ARFIP1: variants seen among roughly 807,000 people sequenced by gnomAD.
The protein encoded by ARFIP1 is arfaptin-1.
A neutral mutation model predicts 42.5 loss-of-function variants in ARFIP1; 24 were observed. The ratio of observed to expected loss-of-function variants is 0.57; its 90% CI spans 0.41 to 0.80. The LOEUF is 0.80. ARFIP1 is among the 30% of genes least tolerant of loss of function. The probability of loss-of-function intolerance (pLI) is 0.00; values close to 1 mark genes in which losing one functional copy is unlikely to be tolerated. For synonymous variants in ARFIP1, 141 were observed against 153.7 expected (o/e 0.92, Z 0.61); for missense variants, 354 against 434.0 (o/e 0.82, Z 1.64).
intron 8 of ARFIP1, among the ~76,000 whole-genome samples, chr4:152,895,852 A>G (rs998582888): frequency 5.3e-5 from 8 of 152,284 alleles, no homozygotes; most frequent in Non-Finnish European, 8.8e-5. Context: ...GTGAGCTGCC[A>G]TGCCAGATCT....
chr4:152,873,399 T>C lies in ARFIP1; in HGVS notation c.411+835T>C, dbSNP rs34059031. On this transcript the variant is annotated intron_variant, in intron 5 of 8. Transcript: ENST00000353617. ...TCTTTCAGTTAATACCTTAAAAATATGATGTAGAAGTCTTCTACAAAAGTA... is the reference window on the plus strand; with the variant it reads ...TCTTTCAGTTAATACCTTAAAAATACGATGTAGAAGTCTTCTACAAAAGTA... Among the ~76,000 whole-genome samples, 1,424 of 152,300 alleles carry C rather than the reference T, an allele frequency of 9.3e-3. 16 individuals carry two copies. The highest frequency in any genetic ancestry group is 0.014 in the Non-Finnish European group (967 of 68,010).
At chr4:152,852,228 G>A (rs936821167) in intron 2 of ARFIP1, among the ~76,000 whole-genome samples, 1 of 152,142 alleles carries the variant, frequency 6.6e-6, no homozygotes. Flanking sequence ...TTATAAATGG[G>A]TCCATTGTCT....
Position 152,804,115 on chromosome 4 carries a change from C to CATGTATTATATATTATATATAATATAAG in ARFIP1, c.-10+23916_-10+23917insGATGTATTATATATTATATATAATATAA, listed in dbSNP as rs1561107974. 2.0e-3 allele frequency among the ~76,000 whole-genome samples: 88 copies of CATGTATTATATATTATATATAATATAAG among 44,700 alleles called. 8 individuals are homozygous for CATGTATTATATATTATATATAATATAAG. Among genetic ancestry groups the CATGTATTATATATTATATATAATATAAG allele is most frequent in the Non-Finnish European group, 2.8e-3 (59 of 21,382 alleles). 29.3% of individuals were successfully genotyped at this position (44,700 alleles called of 152,430 possible). On this transcript the variant is annotated intron_variant, in intron 1 of 8. Coordinates refer to ENST00000353617, the MANE Select transcript of ARFIP1 (RefSeq NM_001025595.3). Reference sequence around the variant, plus strand: ...GTAATATATATTATATATAATATAACATGTATTATATATTATATATAATAT... The same window carrying CATGTATTATATATTATATATAATATAAG: ...GTAATATATATTATATATAATATAACATGTATTATATATTATATATAATATAAGATGTATTATATATTATATATAATAT...
intron 8 of ARFIP1, among the ~76,000 whole-genome samples, 199 bp from the exon 9 acceptor site, chr4:152,909,865 A>T (rs552229342): frequency 2.0e-4 from 30 of 152,358 alleles, no homozygotes; most frequent in Non-Finnish European, 3.5e-4. Context: ...TATTCTCTTT[A>T]GGGTAATTAA....
intron 2 of ARFIP1, among the ~76,000 whole-genome samples, chr4:152,853,031 A>G (rs1733122031): frequency 6.6e-6 from 1 of 152,224 alleles, no homozygotes; most frequent in Non-Finnish European, 1.5e-5. Context: ...AGCAGACAGT[A>G]GGGAGGGATT....
intron 2 of ARFIP1, among the ~76,000 whole-genome samples, chr4:152,846,375 A>T (rs920771583): frequency 6.6e-6 from 1 of 152,148 alleles, no homozygotes; most frequent in Non-Finnish European, 1.5e-5. Flanking sequence ...TTAAACGCAC[A>T]CACACGCACA....
At chr4:152,879,345 C>T (rs1170647463) in intron 5 of ARFIP1, among the ~76,000 whole-genome samples, 1 of 152,036 alleles carries the variant, frequency 6.6e-6, no homozygotes, top group East Asian at 1.9e-4. Context: ...ATAGCATAAT[C>T]TCATGTTTAC....
At position 152,888,222 on chromosome 4, in the gene ARFIP1, A is replaced by G; in HGVS notation, c.881A>G (p.Gln294Arg). 6.2e-7 allele frequency: 1 copy of G among 1,612,284 alleles called. No homozygotes were observed. Among genetic ancestry groups the G allele is most frequent in the South Asian group, 1.1e-5 (1 of 90,862 alleles). Reference sequence around the variant, plus strand: ...ACTCTGCCAAAGATTGAGCAGTCACAGCATCTCTTCCAAGCACATAAGGAA... The same window carrying G: ...ACTCTGCCAAAGATTGAGCAGTCACGGCATCTCTTCCAAGCACATAAGGAA... ...ANTLPKIEQS[Q>R]HLFQAHKEKY... is the part of the protein sequence containing the mutation. The change falls in exon 8 of 9, where the codon CAG becomes CGG. Residue 294 changes from glutamine to arginine, a missense_variant. By Grantham distance (43) the Gln-to-Arg change is conservative (BLOSUM62 1). Coordinates refer to ENST00000353617, the MANE Select transcript of ARFIP1 (RefSeq NM_001025595.3).
chr4:152,897,666 T>G (rs1291043140), intron 8 of ARFIP1, among the ~76,000 whole-genome samples: 2 of 152,242 alleles, frequency 1.3e-5, no homozygotes, highest in Non-Finnish European at 2.9e-5. Context: ...TAATGGTTGA[T>G]ATACATGTGT....
Position 152,873,873 on chromosome 4 carries a change from A to G in ARFIP1, c.411+1309A>G, listed in dbSNP as rs1735101160. 4.0e-5 allele frequency among the ~76,000 whole-genome samples: 6 copies of G among 151,718 alleles called. No homozygotes were observed. In the South Asian group the frequency reaches 1.3e-3, roughly 32 times the overall value. On this transcript the variant is annotated intron_variant, in intron 5 of 8. Transcript: ENST00000353617. ...AATCTGACCTCTATCTACCTTTCCC[A>G]CTCTGTCTCTGCCTCTTTTCTATCT...
At chr4:152,801,614 GAAGA>G (rs975742077) in intron 1 of ARFIP1, among the ~76,000 whole-genome samples, 33 of 152,272 alleles carry the variant, frequency 2.2e-4, no homozygotes, top group African/African-American at 7.2e-4. Flanking sequence ...AAGATAGATA[GAAGA>G]AAGAAAGAAA....
intron 8 of ARFIP1, among the ~76,000 whole-genome samples, chr4:152,889,638 A>G (rs1736588562): frequency 7.7e-6 from 1 of 130,272 alleles, no homozygotes; most frequent in Non-Finnish European, 1.6e-5. Flanking sequence ...TATAGTATAT[A>G]TATGCACTAT....
At chr4:152,783,697 T>G (rs1260852381) in intron 1 of ARFIP1, among the ~76,000 whole-genome samples, 1 of 152,200 alleles carries the variant, frequency 6.6e-6, no homozygotes, top group African/African-American at 2.4e-5. Flanking sequence ...TATCAGGTGT[T>G]GAGAAAAGGT....
At chr4:152,857,298 AAAT>A (rs1485728406) in intron 2 of ARFIP1, among the ~76,000 whole-genome samples, 1 of 152,228 alleles carries the variant, frequency 6.6e-6, no homozygotes, top group Non-Finnish European at 1.5e-5. Context: ...GCAGGTTCTG[AAAT>A]AATGTTTTTT....
chr4:152,784,644 T>C (rs1730689544), intron 1 of ARFIP1, among the ~76,000 whole-genome samples: 1 of 152,274 alleles, frequency 6.6e-6, no homozygotes, highest in Non-Finnish European at 1.5e-5. Context: ...AAAATGAAGT[T>C]CTTGCCTGGC....
rs184174663 is a variant in ARFIP1, at chr4:152,870,656, G to T, written c.203-97G>T. ...ATTCCAACTTTTAATCCTAGTGTTT[G>T]AATATTTTAAAGGAAATATCAGTAA... On this transcript the variant is annotated intron_variant, in intron 3 of 8. Transcript: ENST00000353617. 9.0e-3 allele frequency: 7,433 copies of T among 826,686 alleles called. 79 individuals carry two copies. Among genetic ancestry groups the T allele is most frequent in the South Asian group, 0.027 (1,502 of 55,912 alleles). 51.2% of individuals were successfully genotyped at this position (826,686 alleles called of 1,614,324 possible). A position where few individuals can be genotyped will look rare whatever the true frequency, so the allele number is the denominator to read the frequency against.
Position 152,910,162 on chromosome 4 carries a change from C to T in ARFIP1, c.1065C>T (p.Phe355=). The part of the protein sequence containing the change: ...QKQLEQTLKQ[F]HIKLKTPGVD... The stretch of plus-strand genomic sequence containing the variant: ...AGCTTGAACAGACACTTAAACAGTT[C>T]CATATCAAATTGAAAACCCCTGGAG... Residue 355 remains phenylalanine (F), a synonymous_variant, in exon 9 of 9, where the codon TTC becomes TTT. Transcript: ENST00000353617. The T allele has an allele frequency of 1.9e-6, 3 of 1,614,122 alleles. No individual in the cohort carries two copies. The highest frequency in any genetic ancestry group is 3.3e-4 in the Middle Eastern group (2 of 6,060).
intron 1 of ARFIP1, among the ~76,000 whole-genome samples, chr4:152,795,654 G>C (rs1208790773): frequency 6.6e-6 from 1 of 151,972 alleles, no homozygotes; most frequent in Non-Finnish European, 1.5e-5. Context: ...CATCAGCAAT[G>C]CATGTAAGTG....
Position 152,815,237 on chromosome 4 carries a change from C to T in ARFIP1, c.-9-14388C>T, listed in dbSNP as rs148631700. On this transcript the variant is annotated intron_variant, in intron 1 of 8. Coordinates refer to ENST00000353617, the MANE Select transcript of ARFIP1 (RefSeq NM_001025595.3). ...GCAGGAGTCAGGCCAAATCCATGCT[C>T]ATTCATTTGCATACTGTCAGTGGCT... Among the ~76,000 whole-genome samples, 79 of 152,210 alleles carry T rather than the reference C, an allele frequency of 5.2e-4. No homozygotes were observed. The South Asian group carries it at 6.4e-3, about 12-fold the overall frequency.
Sources: allele counts gnomAD v4.1 joint callset (sites outside exome capture counted in the v4.1 genomes callset), GRCh38; gene constraint gnomAD v4.1.1; transcripts MANE v1.5; gene names NCBI Gene and HGNC (gene_info 2026-07-23, HGNC 2026-07-21).